Variants in SGIP1 observed in about 807,000 individuals in gnomAD.
SGIP1 encodes the protein SH3-containing GRB2-like protein 3-interacting protein 1.
In SGIP1, 38 loss-of-function variants were observed where a neutral mutation model predicts 107.5. That is an observed-to-expected ratio of 0.35 (90% CI 0.27 to 0.46). The LOEUF (loss-of-function observed/expected upper bound fraction) is 0.46, where lower values mean the gene tolerates loss of function less well. SGIP1 is among the 20% of genes least tolerant of loss of function. The pLI is 1.00. For missense variants in SGIP1, 929 were observed against 1,019.5 expected (o/e 0.91, Z 1.21); for synonymous variants, 365 against 366.1 (o/e 1.00, Z 0.03).
chr1:66,663,204 TC>T (rs2081893367), intron 8 of SGIP1, among the ~76,000 whole-genome samples: 1 of 152,072 alleles, frequency 6.6e-6, no homozygotes, highest in Non-Finnish European at 1.5e-5. Flanking sequence ...TGTGCCTGAC[TC>T]CCAGCACCCC....
intron 7 of SGIP1, among the ~76,000 whole-genome samples, chr1:66,655,239 A>T (rs58179844): frequency 6.6e-6 from 1 of 151,584 alleles, no homozygotes; most frequent in African/African-American, 2.4e-5. Context: ...AACGCCTGCC[A>T]TTCTTCCCTC....
intron 1 of SGIP1, among the ~76,000 whole-genome samples, chr1:66,618,925 T>C (rs1228054096): frequency 6.6e-6 from 1 of 152,238 alleles, no homozygotes. Context: ...ATCTTTGGAT[T>C]CTGAGTATGG....
chr1:66,726,633 G>C (rs2093770223), intron 19 of SGIP1, among the ~76,000 whole-genome samples: 1 of 152,166 alleles, frequency 6.6e-6, no homozygotes, highest in Non-Finnish European at 1.5e-5. Context: ...TAATTCGGTG[G>C]AGAAAGGACA....
chr1:66,574,202 C>G (rs1002120473), intron 1 of SGIP1, among the ~76,000 whole-genome samples: 1 of 152,040 alleles, frequency 6.6e-6, no homozygotes, highest in Non-Finnish European at 1.5e-5. Flanking sequence ...GGACAGGGAG[C>G]GGAAAGAGGC....
intron 1 of SGIP1, among the ~76,000 whole-genome samples, chr1:66,552,284 A>G (rs1272584244): frequency 1.3e-5 from 2 of 152,202 alleles, no homozygotes; most frequent in East Asian, 1.9e-4. Context: ...GCTATTGGCT[A>G]TGTATCTGAA....
rs149195442 is a variant in SGIP1 at position 66,706,837 on chromosome 1, C to A, written c.1630+11344C>A. ...TATCACACAGTGTATAATTATGCATCCTTTTATTTTAACATACGCTAATAT... is the reference window on the plus strand; with the variant it reads ...TATCACACAGTGTATAATTATGCATACTTTTATTTTAACATACGCTAATAT... On this transcript the variant is annotated intron_variant, in intron 18 of 24. Transcript: ENST00000371037. Among the ~76,000 whole-genome samples, 478 of 152,092 alleles carry A rather than the reference C, an allele frequency of 3.1e-3. 3 individuals carry two copies. Among genetic ancestry groups the A allele is most frequent in the Middle Eastern group, 0.014 (4 of 294 alleles).
chr1:66,721,978 T>C (rs1358622646), intron 19 of SGIP1, among the ~76,000 whole-genome samples: 1 of 152,076 alleles, frequency 6.6e-6, no homozygotes, highest in Admixed American at 6.6e-5. Context: ...ATAATACTCT[T>C]ACAAGACCCT....
At position 66,688,506 on chromosome 1, in the gene SGIP1, T is replaced by C. The variant is rs115402646; in HGVS notation, c.1316-642T>C. Among the ~76,000 whole-genome samples the C allele has an allele frequency of 5.5e-3, 837 of 152,326 alleles. 7 individuals carry two copies. The highest frequency in any genetic ancestry group is 0.019 in the African/African-American group (808 of 41,568). The stretch of plus-strand genomic sequence containing the variant: ...TTGACAGATTCCCAAGCAGCCTCCT[T>C]CACAAAATAAAATCCTCTAAATTCA... On this transcript the variant is annotated intron_variant, in intron 15 of 24. Transcript: ENST00000371037.
At chr1:66,551,156 C>T (rs547049414) in intron 1 of SGIP1, among the ~76,000 whole-genome samples, 1 of 152,004 alleles carries the variant, frequency 6.6e-6, no homozygotes, top group Non-Finnish European at 1.5e-5. Context: ...ATTAAGGATG[C>T]CTTTGTTCTG....
rs183784148 is a variant in SGIP1 at position 66,736,643 on chromosome 1, G to A, written c.2032-2692G>A. On this transcript the variant is annotated intron_variant, in intron 21 of 24. Transcript: ENST00000371037. ...ATTATATGTGAATATAATATATTGC[G>A]TATTATATGTAAATATAGGTAGAGA... 1.2e-4 allele frequency among the ~76,000 whole-genome samples: 18 copies of A among 148,492 alleles called. No homozygotes were observed. The South Asian group carries it at 2.5e-3, about 21-fold the overall frequency.
At position 66,589,212 on chromosome 1, in the gene SGIP1, A is replaced by ATGTGTGTGTGTGTGTGTG. The variant is rs1203908242; in HGVS notation, c.11-36634_11-36633insGTGTGTGTGTGTGTGTGT. 1.2e-3 allele frequency among the ~76,000 whole-genome samples: 104 copies of ATGTGTGTGTGTGTGTGTG among 89,780 alleles called. 4 individuals are homozygous for ATGTGTGTGTGTGTGTGTG. Among genetic ancestry groups the ATGTGTGTGTGTGTGTGTG allele is most frequent in the East Asian group, 4.9e-3 (16 of 3,278 alleles). 58.9% of individuals were successfully genotyped at this position (89,780 alleles called of 152,430 possible). A position where few individuals can be genotyped will look rare whatever the true frequency, so the allele number is the denominator to read the frequency against. ...TATATATATATATATATATATATAT[A>ATGTGTGTGTGTGTGTGTG]TATATGTAAGGCTTGGGGTAAAGAG... is the stretch of plus-strand genomic sequence containing the variant. On this transcript the variant is annotated intron_variant, in intron 1 of 24. Coordinates refer to ENST00000371037, the MANE Select transcript of SGIP1 (RefSeq NM_032291.4).
intron 1 of SGIP1, among the ~76,000 whole-genome samples, chr1:66,601,965 C>A (rs558839614): frequency 6.6e-6 from 1 of 152,296 alleles, no homozygotes; most frequent in Admixed American, 6.5e-5. Flanking sequence ...ACATAGATCC[C>A]TTTCTCTGTA....
intron 20 of SGIP1, among the ~76,000 whole-genome samples, chr1:66,731,643 T>C (rs778472584): frequency 1.4e-4 from 21 of 152,192 alleles, no homozygotes; most frequent in Non-Finnish European, 2.9e-4. Context: ...ATAGACTCTT[T>C]AGTTTCGTTA....
intron 1 of SGIP1, among the ~76,000 whole-genome samples, chr1:66,586,869 G>T (rs1450050446): frequency 6.6e-6 from 1 of 151,790 alleles, no homozygotes; most frequent in African/African-American, 2.4e-5. Flanking sequence ...AGGTCTGCTG[G>T]TGATAAATTC....
intron 1 of SGIP1, among the ~76,000 whole-genome samples, chr1:66,606,661 C>A (rs2066906212): frequency 6.6e-6 from 1 of 152,204 alleles, no homozygotes; most frequent in Non-Finnish European, 1.5e-5. Flanking sequence ...AGGTGTTAAG[C>A]AGCTCATTTA....
At chr1:66,695,004 T>C (rs1261218253) in intron 17 of SGIP1, 2 of 286,646 alleles carry the variant, frequency 7.0e-6, no homozygotes, top group Non-Finnish European at 1.3e-5. Flanking sequence ...AAGCTAATGT[T>C]TTCTACAATC....
Position 66,682,023 on chromosome 1 carries a change from T to C in SGIP1, c.969T>C (p.Val323=). 2.5e-6 allele frequency: 4 copies of C among 1,614,198 alleles called. No homozygotes were observed. The highest frequency in any genetic ancestry group is 3.4e-6 in the Non-Finnish European group (4 of 1,180,028). The part of the protein sequence containing the change: ...VHFSDTSPEH[V]TPELTPREKV... ...TTTCTGATACATCCCCGGAACATGT[T>C]ACTCCGGAGTTGACTCCAAGGGAAA... The change falls in exon 15 of 25, where the codon GTT becomes GTC. Residue 323 remains valine, a synonymous_variant. Coordinates refer to ENST00000371037, the MANE Select transcript of SGIP1 (RefSeq NM_032291.4).
chr1:66,694,437 A>T, intron 17 of SGIP1: 1 of 1,606,878 alleles, frequency 6.2e-7, no homozygotes, highest in Non-Finnish European at 8.5e-7. Context: ...TTTGGTTCGT[A>T]GTGTCAGAAG....
intron 21 of SGIP1, among the ~76,000 whole-genome samples, chr1:66,734,250 G>T (rs1023242755): frequency 2.6e-5 from 4 of 151,960 alleles, no homozygotes; most frequent in African/African-American, 9.7e-5. Context: ...ATGATTCAAG[G>T]TACACAATCT....
Sources: gnomAD v4.1 joint callset for allele counts (sites outside exome capture counted in the v4.1 genomes callset) on GRCh38, gnomAD v4.1.1 for gene constraint, MANE v1.5 for transcripts, NCBI Gene and HGNC (gene_info 2026-07-23, HGNC 2026-07-21) for gene names.